The following ABCC3 variants were observed in gnomAD, a reference collection of about 807,000 sequenced individuals.
The protein encoded by ABCC3 is ATP-binding cassette sub-family C member 3.
Under a neutral mutation model 165.3 loss-of-function variants are expected in ABCC3, and 121 were observed. The observed-to-expected ratio is 0.73, with a 90% CI of 0.63 to 0.85. The LOEUF (loss-of-function observed/expected upper bound fraction) is 0.85. ABCC3 is among the 40% of genes least tolerant of loss of function. ABCC3 has a pLI of 0.00. For synonymous variants in ABCC3, 733 were observed against 810.1 expected (o/e 0.90, Z 1.62); for missense variants, 1,869 against 1,964.1 (o/e 0.95, Z 0.92).
At chr17:50,683,539 GGA>G in intron 26 of ABCC3, 69 bp from the exon 27 acceptor site, 1 of 1,457,024 alleles carries the variant, frequency 6.9e-7, no homozygotes, top group Non-Finnish European at 9.0e-7. Context: ...GGGCCTTGGG[GGA>G]GAGAGACCGA....
Position 50,663,991 on chromosome 17 carries a change from G to C in ABCC3, c.1218G>C (p.Val406=), listed in dbSNP as rs745469650. The change falls in exon 10 of 31, where the codon GTG becomes GTC. Residue 406 remains valine, a synonymous_variant. Transcript: ENST00000285238. ...ITNSVKRAST[V]GEIVNLMSVD... ...ACTCAGTCAAACGTGCGTCCACTGT[G>C]GGGGAAATTGTCAACCTCATGTCAG... 2.5e-6 allele frequency: 4 copies of C among 1,614,032 alleles called. No homozygotes were observed. Among genetic ancestry groups the C allele is most frequent in the African/African-American group, 1.3e-5 (1 of 74,906 alleles).
intron 17 of ABCC3, among the ~76,000 whole-genome samples, chr17:50,669,799 T>A (rs1967607679): frequency 6.6e-6 from 1 of 151,960 alleles, no homozygotes; most frequent in Admixed American, 6.6e-5. Context: ...TCACTTTTTT[T>A]TTTTCTTTCT....
At chr17:50,636,895 A>G (rs2054185644) in intron 1 of ABCC3, among the ~76,000 whole-genome samples, 1 of 149,062 alleles carries the variant, frequency 6.7e-6, no homozygotes. Context: ...GAGCTGGGGA[A>G]ACTGAGGCCA....
At chr17:50,635,674 A>C (rs2054173067) in intron 1 of ABCC3, 1 of 688,734 alleles carries the variant, frequency 1.5e-6, no homozygotes. Context: ...AGAGAGAGGA[A>C]GGGACTTGCC....
rs1597864786 is a variant in ABCC3, at chr17:50,691,394, C to T, written c.*194C>T. On this transcript the variant is annotated 3_prime_UTR_variant, in exon 31 of 31. Transcript: ENST00000285238. The stretch of plus-strand genomic sequence containing the variant: ...AATGATCCCCAAGTGGTGAATGACA[C>T]GCCTAAGGTCACAGCTAGTTTGAGC... 14 of 540,180 alleles carry T rather than the reference C, an allele frequency of 2.6e-5. No homozygotes were observed. Among genetic ancestry groups the T allele is most frequent in the East Asian group, 2.2e-4 (7 of 31,340 alleles). The allele number at this position is 540,180 out of a possible 1,614,324, so 33.5% of individuals were successfully genotyped here.
intron 30 of ABCC3, among the ~76,000 whole-genome samples, chr17:50,690,614 G>C (rs893637600): frequency 6.6e-6 from 1 of 151,968 alleles, no homozygotes; most frequent in African/African-American, 2.4e-5. Flanking sequence ...GAGACCCACC[G>C]AGCAGCAGCA....
rs147548422 is a variant in ABCC3 at position 50,666,838 on chromosome 17, C to A, written c.1432-716C>A. On this transcript the variant is annotated intron_variant, in intron 11 of 30. Transcript: ENST00000285238. ...AACAAAGAGAAATAAATAGTCCATCCCCTCAGGAAGCTCACAGTCTGATTA... is the reference window on the plus strand; with the variant it reads ...AACAAAGAGAAATAAATAGTCCATCACCTCAGGAAGCTCACAGTCTGATTA... Among the ~76,000 whole-genome samples, 672 of 152,290 alleles carry A rather than the reference C, an allele frequency of 4.4e-3. 6 individuals are homozygous for A. The highest frequency in any genetic ancestry group is 7.4e-3 in the Admixed American group (113 of 15,300).
intron 30 of ABCC3, among the ~76,000 whole-genome samples, chr17:50,690,674 C>A (rs954341409): frequency 6.6e-6 from 1 of 152,318 alleles, no homozygotes; most frequent in Admixed American, 6.5e-5. Context: ...GCCCAAGCCC[C>A]AGATTCCAGT....
chr17:50,674,521 G>A (rs1164955641), intron 19 of ABCC3: 1 of 152,124 alleles, frequency 6.6e-6, no homozygotes. Context: ...ACTATATACA[G>A]GCACTGTTCC....
intron 6 of ABCC3, 122 bp from the exon 7 acceptor site, chr17:50,659,115 A>T (rs1228345512): frequency 1.7e-6 from 2 of 1,190,532 alleles, no homozygotes; most frequent in Non-Finnish European, 2.4e-6. Flanking sequence ...TCATGGTCAC[A>T]GTGCCCGAGG....
At chr17:50,670,559 T>A (rs1332385885) in intron 17 of ABCC3, among the ~76,000 whole-genome samples, 1 of 152,232 alleles carries the variant, frequency 6.6e-6, no homozygotes, top group Admixed American at 6.5e-5. Context: ...CACATTCTAG[T>A]GGCAGGAAGA....
At chr17:50,683,869 T>G in intron 27 of ABCC3, 80 bp from the exon 28 acceptor site, 3 of 1,563,656 alleles carry the variant, frequency 1.9e-6, no homozygotes, top group Non-Finnish European at 2.6e-6. Flanking sequence ...CACATGTTTG[T>G]TCGGCCTCCA....
chr17:50,691,245 A>G lies in ABCC3; in HGVS notation c.*45A>G, dbSNP rs1285963406. 1 of 1,495,420 alleles carries G rather than the reference A, an allele frequency of 6.7e-7. No individual in the cohort carries two copies. The highest frequency in any genetic ancestry group is 2.3e-5 in the East Asian group (1 of 44,166). 92.6% of individuals were successfully genotyped at this position (1,495,420 alleles called of 1,614,324 possible). On this transcript the variant is annotated 3_prime_UTR_variant, in exon 31 of 31. Coordinates refer to ENST00000285238, the MANE Select transcript of ABCC3 (RefSeq NM_003786.4). ...CTCCTGGCCTTTCCTGGTTTTCATC[A>G]GGAAGGAAATGACACCAAATATGTC...
chr17:50,673,944 C>A (rs891328223), intron 19 of ABCC3, among the ~76,000 whole-genome samples: 2 of 16,592 alleles, frequency 1.2e-4, no homozygotes, highest in Non-Finnish European at 2.3e-4. Context: ...TTCTTTCTTT[C>A]TTTCTTTCTT....
At chr17:50,671,702 CTTTT>C (rs386386244) in intron 17 of ABCC3, among the ~76,000 whole-genome samples, 6 of 56,394 alleles carry the variant, frequency 1.1e-4, no homozygotes, top group Non-Finnish European at 1.4e-4. Context: ...TCCTTCCTTC[CTTTT>C]TTTTTTTTTT....
In ABCC3 at chr17:50,677,764, A is replaced by G. The variant is rs1188566760; in HGVS notation, c.3399A>G (p.Ser1133=). The G allele has an allele frequency of 6.2e-7, 1 of 1,613,924 alleles. No individual in the cohort carries two copies. Among genetic ancestry groups the G allele is most frequent in the East Asian group, 2.2e-5 (1 of 44,892 alleles). The change falls in exon 24 of 31, where the codon TCA becomes TCG. Residue 1133 remains serine, a synonymous_variant. Coordinates refer to ENST00000285238, the MANE Select transcript of ABCC3 (RefSeq NM_003786.4). ...ATCAGCGCTTCTATGCAGCCACATC[A>G]CGGCAACTGAAGCGGCTGGAATCAG... The part of the protein sequence containing the change: ...TLVQRFYAAT[S]RQLKRLESVS...
intron 2 of ABCC3, 97 bp from the exon 3 acceptor site, chr17:50,656,605 T>C (rs1967253990): frequency 6.7e-7 from 1 of 1,490,494 alleles, no homozygotes; most frequent in African/African-American, 1.4e-5. Context: ...CAGGCAGGTC[T>C]AGTGGATTCT....
intron 1 of ABCC3, among the ~76,000 whole-genome samples, chr17:50,642,584 G>A (rs184637149): frequency 1.1e-4 from 16 of 152,272 alleles, no homozygotes; most frequent in East Asian, 3.9e-4. Context: ...CCTTCTCCCC[G>A]CTGTGGGGAG....
chr17:50,635,852 T>G lies in ABCC3; in HGVS notation c.45+871T>G, dbSNP rs561862835. ...GAGCTATGATCGCACCACTGCACTGTGGCCTGGGCGAAAGAGTGAGACCCT... is the reference window on the plus strand; with the variant it reads ...GAGCTATGATCGCACCACTGCACTGGGGCCTGGGCGAAAGAGTGAGACCCT... On this transcript the variant is annotated intron_variant, in intron 1 of 30. Coordinates refer to ENST00000285238, the MANE Select transcript of ABCC3 (RefSeq NM_003786.4). 36 of 429,518 alleles carry G rather than the reference T, an allele frequency of 8.4e-5. No individual in the cohort carries two copies. In the East Asian group the frequency reaches 1.2e-3, roughly 14 times the overall value. The allele number at this position is 429,518 out of a possible 1,614,324, so 26.6% of individuals were successfully genotyped here.
Sources: gnomAD v4.1 joint callset for allele counts (sites outside exome capture counted in the v4.1 genomes callset) on GRCh38, gnomAD v4.1.1 for gene constraint, MANE v1.5 for transcripts, NCBI Gene and HGNC (gene_info 2026-07-23, HGNC 2026-07-21) for gene names.